Variants in DLGAP1 observed in about 807,000 individuals in gnomAD.
DLGAP1 encodes the protein disks large-associated protein 1.
A neutral mutation model predicts 90.8 loss-of-function variants in DLGAP1; 11 were observed. The observed-to-expected ratio is 0.12, with a 90% CI of 0.08 to 0.20. The LOEUF (loss-of-function observed/expected upper bound fraction) is 0.20, where lower values mean the gene tolerates loss of function less well. Ranked by LOEUF, DLGAP1 falls within the 10% of genes least tolerant of loss-of-function variation. The pLI is 1.00. For synonymous variants in DLGAP1, 558 were observed against 540.7 expected (o/e 1.03, Z -0.44); for missense variants, 1,050 against 1,333.8 (o/e 0.79, Z 3.31).
intron 1 of DLGAP1, among the ~76,000 whole-genome samples, chr18:4,322,935 T>C (rs1305625181): frequency 2.1e-5 from 2 of 93,858 alleles, no homozygotes; most frequent in Non-Finnish European, 3.8e-5. Flanking sequence ...CACTCCAGCC[T>C]GGGCACAGAA....
At chr18:4,115,688 G>A (rs563410303) in intron 2 of DLGAP1, among the ~76,000 whole-genome samples, 3 of 151,960 alleles carry the variant, frequency 2.0e-5, no homozygotes, top group East Asian at 1.9e-4. Context: ...GGGTTTCACC[G>A]TGTTAGCCAG....
In DLGAP1 at chr18:4,392,111, C is replaced by T. The variant is rs181961074; in HGVS notation, c.-267+62895G>A. 3.3e-5 allele frequency among the ~76,000 whole-genome samples: 5 copies of T among 152,182 alleles called. No individual in the cohort carries two copies. The East Asian group carries it at 9.7e-4, about 29-fold the overall frequency. On this transcript the variant is annotated intron_variant, in intron 1 of 12. Transcript: ENST00000315677. The stretch of plus-strand genomic sequence containing the variant: ...GGTCAAGGGAAATGAAACCAGTTTC[C>T]TCCTGATTACTAGGTCATAAAAAAC...
In DLGAP1 at chr18:4,236,370, C is replaced by A. The variant is rs566983468; in HGVS notation, c.-266-85083G>T. On this transcript the variant is annotated intron_variant, in intron 1 of 12. Transcript: ENST00000315677. ...TGGGTCTTCATCAAGTCCATTATGT[C>A]TCTTGGAAGGATAGTGTGCAAACTG... Among the ~76,000 whole-genome samples, 13 of 152,280 alleles carry A rather than the reference C, an allele frequency of 8.5e-5. No homozygotes were observed. In the East Asian group the frequency reaches 2.1e-3, roughly 25 times the overall value.
At chr18:4,069,539 G>A (rs1239386241) in intron 2 of DLGAP1, among the ~76,000 whole-genome samples, 1 of 152,094 alleles carries the variant, frequency 6.6e-6, no homozygotes, top group Non-Finnish European at 1.5e-5. Context: ...CGAGACAGTG[G>A]ATGACTTTTC....
At chr18:3,504,110 T>C (rs1417611512) in intron 11 of DLGAP1, among the ~76,000 whole-genome samples, 1 of 151,638 alleles carries the variant, frequency 6.6e-6, no homozygotes, top group African/African-American at 2.4e-5. Flanking sequence ...AATAAATAAA[T>C]AAACAGATAG....
chr18:4,377,114 G>A lies in DLGAP1; in HGVS notation c.-267+77892C>T, dbSNP rs189161568. Among the ~76,000 whole-genome samples the A allele has an allele frequency of 6.6e-5, 10 of 152,126 alleles. No individual in the cohort carries two copies. In the East Asian group the frequency reaches 1.9e-3, roughly 29 times the overall value. On this transcript the variant is annotated intron_variant, in intron 1 of 12. Coordinates refer to ENST00000315677, the MANE Select transcript of DLGAP1 (RefSeq NM_004746.4). ...CATTTCCAAGAGCTCGGAAGTCACT[G>A]TTATGCATTTCCCATTCTCACACAC...
At chr18:3,619,742 C>CTTTTTTTTT (rs10625913) in intron 7 of DLGAP1, among the ~76,000 whole-genome samples, 1 of 112,424 alleles carries the variant, frequency 8.9e-6, no homozygotes, top group African/African-American at 3.5e-5. Flanking sequence ...TAGTTTTTTC[C>CTTTTTTTTT]TTTTTTTTTT....
chr18:3,919,751 A>G (rs1160592256), intron 3 of DLGAP1, among the ~76,000 whole-genome samples: 1 of 152,266 alleles, frequency 6.6e-6, no homozygotes, highest in African/African-American at 2.4e-5. Context: ...TATTATCACT[A>G]GCATTTTATG....
intron 4 of DLGAP1, among the ~76,000 whole-genome samples, chr18:3,872,885 T>C (rs2070838555): frequency 1.3e-5 from 2 of 152,220 alleles, no homozygotes; most frequent in Non-Finnish European, 2.9e-5. Context: ...AGTTTTTCTC[T>C]TTCACTCTTT....
intron 10 of DLGAP1, among the ~76,000 whole-genome samples, chr18:3,524,727 T>A (rs562636227): frequency 6.6e-6 from 1 of 152,148 alleles, no homozygotes. Context: ...AATAAATAAA[T>A]AAATGAAAGT....
chr18:4,376,104 A>G (rs959281637), intron 1 of DLGAP1, among the ~76,000 whole-genome samples: 2 of 152,196 alleles, frequency 1.3e-5, no homozygotes, highest in Admixed American at 1.3e-4. Context: ...GATAGAAAGT[A>G]TCAAATAGAT....
In DLGAP1 at chr18:3,827,087, T is replaced by C. The variant is rs531480274; in HGVS notation, c.958-12814A>G. On this transcript the variant is annotated intron_variant, in intron 4 of 12. Coordinates refer to ENST00000315677, the MANE Select transcript of DLGAP1 (RefSeq NM_004746.4). ...GAAATTAGGAGTTCAGTTTGGGATG[T>C]AGGAAGTTTGAAATGCCCATGGGTC... Among the ~76,000 whole-genome samples, 7 of 152,222 alleles carry C rather than the reference T, an allele frequency of 4.6e-5. No individual in the cohort carries two copies. The East Asian group carries it at 7.7e-4, about 17-fold the overall frequency.
chr18:3,666,742 G>C (rs866294986), intron 7 of DLGAP1, among the ~76,000 whole-genome samples: 11 of 151,536 alleles, frequency 7.3e-5, no homozygotes, highest in South Asian at 6.3e-4. Flanking sequence ...AATTTAAAAA[G>C]TTTTTTTTTA....
chr18:3,931,115 C>T (rs1159493929), intron 3 of DLGAP1, among the ~76,000 whole-genome samples: 2 of 152,192 alleles, frequency 1.3e-5, no homozygotes, highest in Non-Finnish European at 2.9e-5. Flanking sequence ...CTGCCTCCAC[C>T]GGCTCACTCT....
At chr18:4,081,257 G>C (rs1366497616) in intron 2 of DLGAP1, among the ~76,000 whole-genome samples, 4 of 151,206 alleles carry the variant, frequency 2.6e-5, no homozygotes, top group Non-Finnish European at 5.9e-5. Context: ...GGAGGTTGTG[G>C]TGAGCCGAGA....
At chr18:3,874,133 A>G in intron 4 of DLGAP1, 1 of 1,549,822 alleles carries the variant, frequency 6.5e-7, no homozygotes, top group Middle Eastern at 1.7e-4. Context: ...ATACAAAGTA[A>G]TAAAAGAGTT....
chr18:4,159,417 C>T (rs2076808300), intron 1 of DLGAP1, among the ~76,000 whole-genome samples: 1 of 152,160 alleles, frequency 6.6e-6, no homozygotes, highest in African/African-American at 2.4e-5. Flanking sequence ...AATCATTGTC[C>T]ATGGACCAAG....
intron 7 of DLGAP1, among the ~76,000 whole-genome samples, chr18:3,601,491 C>G (rs888411938): frequency 6.6e-6 from 1 of 151,864 alleles, no homozygotes; most frequent in African/African-American, 2.4e-5. Flanking sequence ...ATTCTCTTCC[C>G]AACCCCTCCT....
At chr18:3,851,842 A>G (rs2069359507) in intron 4 of DLGAP1, among the ~76,000 whole-genome samples, 1 of 152,314 alleles carries the variant, frequency 6.6e-6, no homozygotes, top group East Asian at 1.9e-4. Flanking sequence ...GAAGATCACA[A>G]AGCAGAGTTG....
Sources: gnomAD v4.1 joint callset for allele counts (sites outside exome capture counted in the v4.1 genomes callset) on GRCh38, gnomAD v4.1.1 for gene constraint, MANE v1.5 for transcripts, NCBI Gene and HGNC (gene_info 2026-07-23, HGNC 2026-07-21) for gene names.